The following POLDIP2 variants were observed in gnomAD, a reference collection of about 807,000 sequenced individuals.
POLDIP2 encodes DNA polymerase delta interacting protein 2.
A neutral mutation model predicts 52.9 loss-of-function variants in POLDIP2; 32 were observed. That is an observed-to-expected ratio of 0.61 (90% CI 0.46 to 0.81). The LOEUF is 0.81. Among genes scored for constraint, POLDIP2 ranks in the 40% least tolerant of loss-of-function variants. The probability of loss-of-function intolerance (pLI) is 0.00; values close to 1 mark genes in which losing one functional copy is unlikely to be tolerated. For missense variants in POLDIP2, 371 were observed against 477.3 expected, an observed-to-expected ratio of 0.78 and a Z score of 2.07; for synonymous variants, 183 against 183.0, an observed-to-expected ratio of 1.00 and a Z score of 0.00.
At chr17:28,351,610 A>C in intron 7 of POLDIP2, 54 bp downstream of exon 7, 2 of 1,564,884 alleles carry the variant, frequency 1.3e-6, no homozygotes, top group Non-Finnish European at 1.8e-6. Flanking sequence ...CCTTAAGGAC[A>C]CCATACACCT....
chr17:28,354,289 G>A (rs1053379133), intron 3 of POLDIP2, among the ~76,000 whole-genome samples, 199 bp downstream of exon 3: 56 of 152,190 alleles, frequency 3.7e-4, no homozygotes, highest in African/African-American at 1.4e-3. Flanking sequence ...GCATTCTGAG[G>A]AGGCCTAAAG....
chr17:28,355,967 C>A, intron 1 of POLDIP2, 91 bp from the exon 2 acceptor site: 6 of 927,036 alleles, frequency 6.5e-6, no homozygotes, highest in Non-Finnish European at 1.0e-5. Flanking sequence ...ACTGAGGGGC[C>A]AGGGCGATGA....
At position 28,357,360 on chromosome 17, in the gene POLDIP2, A is replaced by G. The variant is rs1555581154; in HGVS notation, c.89T>C (p.Leu30Pro). 6.4e-7 allele frequency: 1 copy of G among 1,564,226 alleles called. No homozygotes were observed. Among genetic ancestry groups the G allele is most frequent in the East Asian group, 2.4e-5 (1 of 41,086 alleles). Reference protein sequence around the residue: ...SLTGARWPRPLCAAAGAGAFS... With the variant: ...SLTGARWPRPPCAAAGAGAFS... ...GGCTCCAGCTCCGGCCGCCGCACAGAGCGGCCTTGGCCACCGGGCCCCAGT... is the reference window on the plus strand; with the variant it reads ...GGCTCCAGCTCCGGCCGCCGCACAGGGCGGCCTTGGCCACCGGGCCCCAGT... The change falls in exon 1 of 11, where the codon CTC becomes CCC. Residue 30 changes from leucine to proline, a missense_variant. Coordinates refer to ENST00000540200, the MANE Select transcript of POLDIP2 (RefSeq NM_015584.5).
rs199513620 is a variant in POLDIP2 at position 28,352,958 on chromosome 17, G to A, written c.576C>T (p.Ile192=). The A allele has an allele frequency of 7.2e-5, 112 of 1,562,862 alleles. 1 individual carries two copies. The Middle Eastern group carries it at 1.8e-3, about 26-fold the overall frequency. The change falls in exon 6 of 11, where the codon ATC becomes ATT. Residue 192 remains isoleucine (I), a synonymous_variant. Coordinates refer to ENST00000540200, the MANE Select transcript of POLDIP2 (RefSeq NM_015584.5). ...LPYTSTDQVP[I]QHELFERFLL... ...GAAATCTTTCAAAGAGTTCATGTTG[G>A]ATGGGAACCTGATCAGTGGAGGTGT...
At chr17:28,349,792 G>A (rs1407251236) in intron 9 of POLDIP2, among the ~76,000 whole-genome samples, 2 of 152,136 alleles carry the variant, frequency 1.3e-5, no homozygotes, top group Non-Finnish European at 2.9e-5. Context: ...CTAAGATTTT[G>A]GTTAAATAAC....
chr17:28,353,714 G>C lies in POLDIP2; in HGVS notation c.419C>G (p.Ala140Gly). The change falls in exon 4 of 11, where the codon GCT (alanine) becomes GGT (glycine). Residue 140 changes from alanine to glycine, a missense_variant. Transcript: ENST00000540200. ...THTYYQVLID[A>G]RDCPHISQRS... is the part of the protein sequence containing the mutation. ...ACTTACTATATGTGGGCAGTCACGA[G>C]CATCAATCAGCACCTGATAGTAAGT... The C allele has an allele frequency of 1.2e-6, 2 of 1,611,988 alleles. No individual in the cohort carries two copies. Among genetic ancestry groups the C allele is most frequent in the Non-Finnish European group, 1.7e-6 (2 of 1,178,486 alleles).
chr17:28,350,738 T>C, intron 8 of POLDIP2, 28 bp downstream of exon 8: 2 of 1,594,190 alleles, frequency 1.3e-6, no homozygotes, highest in Non-Finnish European at 8.5e-7. Context: ...CCCCACAAGC[T>C]CCCCTTCTCC....
chr17:28,350,702 C>G (rs1164473040), intron 8 of POLDIP2, 64 bp downstream of exon 8: 15 of 1,564,258 alleles, frequency 9.6e-6, no homozygotes, highest in Non-Finnish European at 1.3e-5. Context: ...TGGGCTCCCC[C>G]ACCTCCACCC....
intron 9 of POLDIP2, among the ~76,000 whole-genome samples, chr17:28,349,947 C>T (rs549297065): frequency 4.6e-5 from 7 of 152,266 alleles, no homozygotes; most frequent in Admixed American, 4.6e-4. Context: ...GCCCCTGACA[C>T]CAGTACTGCT....
At chr17:28,350,590 T>A (rs781784758) in intron 8 of POLDIP2, 27 bp from the exon 9 acceptor site, 7 of 1,597,930 alleles carry the variant, frequency 4.4e-6, no homozygotes, top group Middle Eastern at 1.7e-4. Context: ...AGAGAGAGTT[T>A]AAAAAAAATA....
intron 10 of POLDIP2, among the ~76,000 whole-genome samples, chr17:28,348,882 A>G (rs144300127): frequency 6.6e-6 from 1 of 152,228 alleles, no homozygotes; most frequent in African/African-American, 2.4e-5. Context: ...CTAAGTCCTC[A>G]GTCCACAAAT....
At chr17:28,349,224 G>A in intron 9 of POLDIP2, 62 bp from the exon 10 acceptor site, 2 of 1,224,314 alleles carry the variant, frequency 1.6e-6, no homozygotes, top group African/African-American at 3.0e-5. Context: ...CTGCACCCCA[G>A]GGTTACATGC....
intron 7 of POLDIP2, 68 bp from the exon 8 acceptor site, chr17:28,350,860 T>G: frequency 5.2e-5 from 65 of 1,251,710 alleles, no homozygotes; most frequent in Non-Finnish European, 6.9e-5. Flanking sequence ...TCAACATCTC[T>G]CCAGTGCAGT....
chr17:28,356,108 G>A (rs75684976), intron 1 of POLDIP2, among the ~76,000 whole-genome samples: 7 of 151,032 alleles, frequency 4.6e-5, no homozygotes, highest in Non-Finnish European at 8.8e-5. Context: ...TCTCTTCACT[G>A]GGCATTCTTC....
chr17:28,350,385 A>C, intron 9 of POLDIP2, 53 bp downstream of exon 9: 2 of 1,522,876 alleles, frequency 1.3e-6, no homozygotes, highest in South Asian at 1.2e-5. Context: ...GCCATGCGCT[A>C]AGCCCCCAGG....
At position 28,353,026 on chromosome 17, in the gene POLDIP2, C is replaced by T; in HGVS notation, c.515-7G>A. On this transcript the variant is annotated splice_polypyrimidine_tract_variant and splice_region_variant and intron_variant, in intron 5 of 10. Transcript: ENST00000540200. Reference sequence around the variant, plus strand: ...TGGCTGACATAGTCCAAGCCTGGCACAGAGATGCAAAAGACAGTGGTGAAA... The same window carrying T: ...TGGCTGACATAGTCCAAGCCTGGCATAGAGATGCAAAAGACAGTGGTGAAA... 3.2e-6 allele frequency: 3 copies of T among 936,800 alleles called. No homozygotes were observed. The highest frequency in any genetic ancestry group is 5.3e-6 in the Non-Finnish European group (3 of 561,728). 58.0% of individuals were successfully genotyped at this position (936,800 alleles called of 1,614,324 possible).
rs782194233 is a variant in POLDIP2, at chr17:28,353,734, G to T, written c.399C>A (p.Tyr133Ter). 21 of 1,613,258 alleles carry T rather than the reference G, an allele frequency of 1.3e-5. No homozygotes were observed. The Admixed American group carries it at 1.7e-4, about 13-fold the overall frequency. ...CACGAGCATCAATCAGCACCTGATA[G>T]TAAGTGTGAGTTTTGCCTTTCACCT... The part of the protein sequence containing the change: ...SKEVKGKTHT[Y>*]YQVLIDARDC... The change falls in exon 4 of 11, where the codon TAC becomes TAA. Residue 133 changes from tyrosine (Y) to a stop codon, truncating the protein, a stop_gained. Transcript: ENST00000540200. LOFTEE classifies it high-confidence loss of function.
intron 3 of POLDIP2, 31 bp downstream of exon 3, chr17:28,354,457 T>A: frequency 6.9e-7 from 1 of 1,442,824 alleles, no homozygotes; most frequent in Non-Finnish European, 9.5e-7. Context: ...CTCCTGAGGA[T>A]ACTGTGAGGC....
chr17:28,355,897 C>T (rs1555580834), intron 1 of POLDIP2, 21 bp from the exon 2 acceptor site: 1 of 1,584,594 alleles, frequency 6.3e-7, no homozygotes, highest in Non-Finnish European at 8.6e-7. Flanking sequence ...AGGAAAAGAA[C>T]AAGCAACAGA....
Sources: gnomAD v4.1 joint callset for allele counts (sites outside exome capture counted in the v4.1 genomes callset) on GRCh38, gnomAD v4.1.1 for gene constraint, MANE v1.5 for transcripts, NCBI Gene and HGNC (gene_info 2026-07-23, HGNC 2026-07-21) for gene names.